COL17A1: variants seen among roughly 807,000 people sequenced by gnomAD.
COL17A1 encodes collagen type XVII alpha 1 chain.
COL17A1 carries 181 observed loss-of-function variants against 218.4 expected under a neutral mutation model. That is an observed-to-expected ratio of 0.83 (90% CI 0.73 to 0.94). The LOEUF (loss-of-function observed/expected upper bound fraction) is 0.94, where lower values mean the gene tolerates loss of function less well. Ranked by LOEUF, COL17A1 falls within the 40% of genes least tolerant of loss-of-function variation. The pLI, the probability that COL17A1 is intolerant of heterozygous loss-of-function variation, is 0.00. For synonymous variants in COL17A1, 721 were observed against 731.0 expected (o/e 0.99, Z 0.22); for missense variants, 1,924 against 1,945.9 (o/e 0.99, Z 0.21).
intron 19 of COL17A1, 52 bp from the exon 20 acceptor site, chr10:104,055,059 C>T (rs747645257): frequency 8.7e-5 from 140 of 1,612,350 alleles, no homozygotes; most frequent in Non-Finnish European, 1.2e-4. Flanking sequence ...ACCCAAAGGC[C>T]ATACTCTGCC....
chr10:104,072,211 A>C, intron 7 of COL17A1, 132 bp from the exon 8 acceptor site: 1 of 1,367,204 alleles, frequency 7.3e-7, no homozygotes, highest in Non-Finnish European at 1.0e-6. Flanking sequence ...CAGGAAATCT[A>C]GGTGTGCCCA....
At chr10:104,077,855 C>T (rs746808577) in intron 3 of COL17A1, among the ~76,000 whole-genome samples, 2 of 152,316 alleles carry the variant, frequency 1.3e-5, no homozygotes, top group African/African-American at 4.8e-5. Context: ...GCGATGAAAG[C>T]TCCTTGAGTC....
chr10:104,037,141 T>G, intron 46 of COL17A1, 28 bp from the exon 47 acceptor site: 1 of 1,584,432 alleles, frequency 6.3e-7, no homozygotes, highest in Non-Finnish European at 8.6e-7. Flanking sequence ...TCAGGTTACC[T>G]GCTTAGCAGG....
intron 53 of COL17A1, 83 bp downstream of exon 53, chr10:104,033,155 T>C: frequency 1.3e-6 from 2 of 1,546,052 alleles, no homozygotes; most frequent in Admixed American, 2.0e-5. Context: ...TGGAGATTTC[T>C]CATGAGACTG....
At position 104,035,336 on chromosome 10, in the gene COL17A1, G is replaced by A. The variant is rs1306775562; in HGVS notation, c.3546C>T (p.Pro1182=). 1.2e-6 allele frequency: 2 copies of A among 1,614,218 alleles called. No individual in the cohort carries two copies. Among genetic ancestry groups the A allele is most frequent in the Non-Finnish European group, 1.7e-6 (2 of 1,180,018 alleles). ...EFRGIVGPPG[P]PGPPGIPGNV... Reference sequence around the variant, plus strand: ...TGCCTGGGATCCCTGGTGGACCCGGGGGACCTGGGGGTCCAACGATGCCTC... The same window carrying A: ...TGCCTGGGATCCCTGGTGGACCCGGAGGACCTGGGGGTCCAACGATGCCTC... Residue 1182 remains proline (P), a synonymous_variant, in exon 50 of 56, where the codon CCC becomes CCT. Transcript: ENST00000648076.
intron 1 of COL17A1, among the ~76,000 whole-genome samples, chr10:104,081,564 T>A (rs2086764939): frequency 1.3e-5 from 2 of 152,220 alleles, no homozygotes; most frequent in East Asian, 1.9e-4. Flanking sequence ...CTTGCTGTGC[T>A]GCCTGGCCCC....
At chr10:104,082,667 G>A (rs915160435) in intron 1 of COL17A1, among the ~76,000 whole-genome samples, 3 of 152,172 alleles carry the variant, frequency 2.0e-5, no homozygotes, top group East Asian at 1.9e-4. Context: ...GGGATTGGCC[G>A]GAAGGGTTCG....
In COL17A1 at chr10:104,035,347, G is replaced by T. The variant is rs1160360112; in HGVS notation, c.3535C>A (p.Pro1179Thr). 1 of 1,614,220 alleles carries T rather than the reference G, an allele frequency of 6.2e-7. No homozygotes were observed. The highest frequency in any genetic ancestry group is 8.5e-7 in the Non-Finnish European group (1 of 1,180,026). Residue 1179 changes from proline to threonine, a missense_variant, in exon 50 of 56, where the codon CCC (proline) becomes ACC (threonine). Transcript: ENST00000648076. ...CCTGGTGGACCCGGGGGACCTGGGG[G>T]TCCAACGATGCCTCTGAATTCAGAC... ...RGSEFRGIVG[P>T]PGPPGPPGIP...
chr10:104,036,720 A>C, intron 47 of COL17A1, 88 bp from the exon 48 acceptor site: 1 of 1,511,582 alleles, frequency 6.6e-7, no homozygotes, highest in Non-Finnish European at 9.1e-7. Flanking sequence ...TCCCCTGCAC[A>C]AACTGGCTCC....
At chr10:104,033,682 AT>A (rs2086239997) in intron 52 of COL17A1, among the ~76,000 whole-genome samples, 1 of 152,168 alleles carries the variant, frequency 6.6e-6, no homozygotes. Flanking sequence ...CATATGACTC[AT>A]CTGGGACCCA....
chr10:104,035,927 TGTGTATGGGA>T (rs1468126141), intron 48 of COL17A1, among the ~76,000 whole-genome samples: 28 of 50,968 alleles, frequency 5.5e-4, no homozygotes, highest in Non-Finnish European at 1.3e-3. Flanking sequence ...TATGAGTGTG[TGTGTATGGGA>T]GTGTATGGGA....
chr10:104,075,763 C>T (rs1487314424), intron 5 of COL17A1, among the ~76,000 whole-genome samples: 3 of 152,244 alleles, frequency 2.0e-5, no homozygotes, highest in African/African-American at 7.2e-5. Flanking sequence ...CCGACTTAAG[C>T]CCTGGGCTCT....
rs1342516066 is a variant in COL17A1, at chr10:104,062,338, G to A, written c.839-9C>T. 2.5e-6 allele frequency: 4 copies of A among 1,614,230 alleles called. No individual in the cohort carries two copies. The highest frequency in any genetic ancestry group is 1.7e-5 in the Admixed American group (1 of 60,028). On this transcript the variant is annotated splice_polypyrimidine_tract_variant and intron_variant, in intron 11 of 55. Coordinates refer to ENST00000648076, the MANE Select transcript of COL17A1 (RefSeq NM_000494.4). The stretch of plus-strand genomic sequence containing the variant: ...GTTCTGCATGCCAAACACTGTGAAA[G>A]CAACCAAGGTCAGGTGAGTACAGGG...
chr10:104,056,600 A>AAAAGAAAAG (rs2086530553), intron 17 of COL17A1, among the ~76,000 whole-genome samples: 1 of 152,142 alleles, frequency 6.6e-6, no homozygotes, highest in South Asian at 2.1e-4. Context: ...AAAAGAAAGA[A>AAAAGAAAAG]AAAGAAAAGA....
Position 104,031,445 on chromosome 10 carries a change from C to T in COL17A1, c.*790G>A, listed in dbSNP as rs757298072. 1.3e-5 allele frequency: 2 copies of T among 152,536 alleles called. No individual in the cohort carries two copies. Among genetic ancestry groups the T allele is most frequent in the African/African-American group, 2.4e-5 (1 of 41,424 alleles). The allele number at this position is 152,536 out of a possible 1,614,324, so 9.4% of individuals were successfully genotyped here. A position where few individuals can be genotyped will look rare whatever the true frequency, so the allele number is the denominator to read the frequency against. On this transcript the variant is annotated 3_prime_UTR_variant, in exon 56 of 56. Transcript: ENST00000648076. ...TTTCTGAGTGCAGAATGGAGGGTGA[C>T]GTCTTGAGCTGATGCTGTGTCCCCA...
intron 52 of COL17A1, 116 bp from the exon 53 acceptor site, chr10:104,033,491 G>A (rs1430221390): frequency 4.0e-6 from 5 of 1,265,486 alleles, no homozygotes; most frequent in East Asian, 2.5e-5. Context: ...AGATCAAGCC[G>A]CAGCAAGGGT....
At chr10:104,034,538 C>T in intron 51 of COL17A1, 83 bp downstream of exon 51, 1 of 1,555,558 alleles carries the variant, frequency 6.4e-7, no homozygotes, top group South Asian at 1.2e-5. Flanking sequence ...CTTCCTGTCC[C>T]TTTAAGTGCC....
At chr10:104,080,742 A>G in intron 1 of COL17A1, 58 bp from the exon 2 acceptor site, 1 of 1,562,152 alleles carries the variant, frequency 6.4e-7, no homozygotes, top group Non-Finnish European at 8.8e-7. Flanking sequence ...TAGTAATTAT[A>G]GGTCCCCACT....
In COL17A1 at chr10:104,031,834, G is replaced by A. The variant is rs1387847654; in HGVS notation, c.*401C>T. On this transcript the variant is annotated 3_prime_UTR_variant, in exon 56 of 56. Transcript: ENST00000648076. ...ACACCCCCATCAAGTGTCACCTCCA[G>A]GAAGGCGCCCCACCCCCATCCTCCG... 3.5e-6 allele frequency: 1 copy of A among 284,482 alleles called. No individual in the cohort carries two copies. Among genetic ancestry groups the A allele is most frequent in the Non-Finnish European group, 6.8e-6 (1 of 147,408 alleles). 17.6% of individuals were successfully genotyped at this position (284,482 alleles called of 1,614,324 possible). A position where few individuals can be genotyped will look rare whatever the true frequency, so the allele number is the denominator to read the frequency against.
Sources: allele counts gnomAD v4.1 joint callset (sites outside exome capture counted in the v4.1 genomes callset), GRCh38; gene constraint gnomAD v4.1.1; transcripts MANE v1.5; gene names NCBI Gene and HGNC (gene_info 2026-07-23, HGNC 2026-07-21).